Variants in DCAKD observed in about 807,000 individuals in gnomAD.
The protein encoded by DCAKD is dephospho-CoA kinase domain containing.
DCAKD carries 15 observed loss-of-function variants against 18.7 expected under a neutral mutation model. That is an observed-to-expected ratio of 0.80 (90% CI 0.54 to 1.24). The LOEUF (loss-of-function observed/expected upper bound fraction) is 1.24. Ranked by LOEUF, DCAKD falls within the 50% of genes most tolerant of loss-of-function variation. The probability of loss-of-function intolerance (pLI) is 0.00; values close to 1 mark genes in which losing one functional copy is unlikely to be tolerated. For synonymous variants in DCAKD, 130 were observed against 133.0 expected (o/e 0.98, Z 0.16); for missense variants, 301 against 322.0 (o/e 0.93, Z 0.50).
chr17:45,055,699 T>G (rs1262000819), upstream of DCAKD, among the ~76,000 whole-genome samples: 1 of 152,168 alleles, frequency 6.6e-6, no homozygotes, highest in Non-Finnish European at 1.5e-5. Flanking sequence ...ATCTCCTGCC[T>G]CTGGACAGCC....
At chr17:45,054,643 CA>C (rs34937742), upstream of DCAKD, among the ~76,000 whole-genome samples, 1,552 of 152,262 alleles carry the variant, frequency 0.01, 28 homozygotes, top group African/African-American at 0.035. Context: ...CCATACAGAA[CA>C]AATCTAATTC....
chr17:45,029,319 C>T (rs2053125333), intron 4 of DCAKD, among the ~76,000 whole-genome samples: 1 of 152,252 alleles, frequency 6.6e-6, no homozygotes, highest in African/African-American at 2.4e-5. Flanking sequence ...GGCTCCGCCT[C>T]CAGCGTGCTG....
In DCAKD at chr17:45,024,202, G is replaced by C. The variant is rs1326691191; in HGVS notation, c.*231C>G. 4 of 537,458 alleles carry C rather than the reference G, an allele frequency of 7.4e-6. No individual in the cohort carries two copies. Among genetic ancestry groups the C allele is most frequent in the Non-Finnish European group, 1.3e-5 (4 of 307,028 alleles). The allele number at this position is 537,458 out of a possible 1,614,324, so 33.3% of individuals were successfully genotyped here. On this transcript the variant is annotated 3_prime_UTR_variant, in exon 5 of 5. Transcript: ENST00000651974. ...CTGCTCAGGGAAGGTGGGAAGGACA[G>C]CAGGCTATTTCTTGATCTCAAATAG... is the stretch of plus-strand genomic sequence containing the variant.
At chr17:45,042,317 CTTCT>C (rs1314461920) in intron 1 of DCAKD, among the ~76,000 whole-genome samples, 1 of 151,476 alleles carries the variant, frequency 6.6e-6, no homozygotes, top group Non-Finnish European at 1.5e-5. Context: ...CTTTTTTTTT[CTTCT>C]TTGAGACAGG....
intron 1 of DCAKD, among the ~76,000 whole-genome samples, chr17:45,058,754 C>A (rs554616601): frequency 6.6e-5 from 10 of 151,912 alleles, no homozygotes; most frequent in African/African-American, 1.2e-4. Flanking sequence ...ACCTCTGACC[C>A]CCCCCTTCCC....
intron 3 of DCAKD, chr17:45,031,154 C>T (rs758550591): frequency 3.0e-6 from 3 of 985,404 alleles, no homozygotes; most frequent in Non-Finnish European, 3.6e-6. Context: ...CACTTCCAAG[C>T]ACAGAACCAG....
rs755858662 is a variant in DCAKD, at chr17:45,030,170, T to G, written c.326A>C (p.Tyr109Ser). Residue 109 changes from tyrosine (Y) to serine (S), a missense_variant, in exon 4 of 5, where the codon TAC (tyrosine) becomes TCC (serine). Coordinates refer to ENST00000651974, the MANE Select transcript of DCAKD (RefSeq NM_001288655.2). Reference protein sequence around the residue: ...TFKYFLRGYRYVILDIPLLFE... With the variant: ...TFKYFLRGYRSVILDIPLLFE... Reference sequence around the variant, plus strand: ...CAGCAGGGGGATATCCAGAATCACGTAGCGGTATCCTGGGGAGAGGTTGGA... The same window carrying G: ...CAGCAGGGGGATATCCAGAATCACGGAGCGGTATCCTGGGGAGAGGTTGGA... 6.2e-7 allele frequency: 1 copy of G among 1,613,980 alleles called. No homozygotes were observed. The highest frequency in any genetic ancestry group is 8.5e-7 in the Non-Finnish European group (1 of 1,179,906).
At chr17:45,057,655 A>AT in intron 1 of DCAKD, among the ~76,000 whole-genome samples, 1 of 150,390 alleles carries the variant, frequency 6.6e-6, no homozygotes, top group East Asian at 2.0e-4. Flanking sequence ...GTGAGCCGAG[A>AT]TAGTGCCACT....
At chr17:45,026,804 G>C (rs758861985) in intron 4 of DCAKD, 378 of 985,298 alleles carry the variant, frequency 3.8e-4, no homozygotes, top group Non-Finnish European at 4.3e-4. Flanking sequence ...GCCTTCATCA[G>C]GGAGACCACA....
At chr17:45,039,015 T>A (rs1448732925) in intron 1 of DCAKD, among the ~76,000 whole-genome samples, 1 of 152,176 alleles carries the variant, frequency 6.6e-6, no homozygotes, top group Non-Finnish European at 1.5e-5. Context: ...TAGTACCAGA[T>A]GAAAACATCT....
chr17:45,051,675 G>A (rs932193844), upstream of DCAKD: 1 of 147,202 alleles, frequency 6.8e-6, no homozygotes, highest in Non-Finnish European at 1.5e-5. Context: ...CGTCCGGCCA[G>A]CAGGCGGGGC....
chr17:45,044,230 G>C (rs573819504), intron 1 of DCAKD, among the ~76,000 whole-genome samples: 1 of 151,886 alleles, frequency 6.6e-6, no homozygotes, highest in African/African-American at 2.4e-5. Context: ...CTACATCACT[G>C]CCCTCAGGCC....
At chr17:45,026,641 C>G in intron 4 of DCAKD, 5 of 985,370 alleles carry the variant, frequency 5.1e-6, no homozygotes, top group Non-Finnish European at 6.0e-6. Context: ...CTTAGGGATT[C>G]TGGGAAGCAG....
At chr17:45,060,161 C>T (rs976079605) in intron 1 of DCAKD, among the ~76,000 whole-genome samples, 3 of 152,036 alleles carry the variant, frequency 2.0e-5, no homozygotes, top group African/African-American at 7.3e-5. Context: ...ATATTGTAGA[C>T]TTGTTGAGAG....
intron 1 of DCAKD, among the ~76,000 whole-genome samples, 195 bp downstream of exon 1, chr17:45,051,166 G>A (rs1028071074): frequency 1.3e-5 from 2 of 152,236 alleles, no homozygotes; most frequent in African/African-American, 4.8e-5. Context: ...GCAGAAGCTA[G>A]ATTCAAGAAT....
In DCAKD at chr17:45,057,716, A is replaced by C. The variant is rs1247444338; in HGVS notation, c.-118+3172T>G. On this transcript the variant is annotated intron_variant, in intron 1 of 4. Transcript: ENST00000310604. ...CGACTCCATCTCAAAAAAAAAAAAA[A>C]AACAGTAATTCAGGCCAGGTGCAGT... Among the ~76,000 whole-genome samples the C allele has an allele frequency of 4.0e-5, 6 of 149,962 alleles. No homozygotes were observed. The East Asian group carries it at 9.9e-4, about 25-fold the overall frequency.
At chr17:45,054,250 A>ATTT (rs145150422), upstream of DCAKD, 114 of 425,388 alleles carry the variant, frequency 2.7e-4, no homozygotes, top group South Asian at 6.9e-4. Flanking sequence ...AGACAGTTTT[A>ATTT]TTTATTTTTT....
Position 45,047,064 on chromosome 17 carries a change from T to A in DCAKD, c.-115+4297A>T, listed in dbSNP as rs144607972. The stretch of plus-strand genomic sequence containing the variant: ...AAAAGAACTGTGGACTGACAGATTA[T>A]TAATAATTCAATGTGATTTTTCGGC... On this transcript the variant is annotated intron_variant, in intron 1 of 4. Transcript: ENST00000651974. Among the ~76,000 whole-genome samples the A allele has an allele frequency of 1.1e-3, 168 of 151,938 alleles. 2 individuals are homozygous for A. The highest frequency in any genetic ancestry group is 4.1e-3 in the African/African-American group (168 of 41,342).
At chr17:45,038,197 C>T (rs979902776) in intron 1 of DCAKD, among the ~76,000 whole-genome samples, 5 of 152,030 alleles carry the variant, frequency 3.3e-5, no homozygotes, top group African/African-American at 1.2e-4. Flanking sequence ...CTGCCTCAGC[C>T]TCCCGAGTAG....
Sources: gnomAD v4.1 joint callset for allele counts (sites outside exome capture counted in the v4.1 genomes callset) on GRCh38, gnomAD v4.1.1 for gene constraint, MANE v1.5 for transcripts, NCBI Gene and HGNC (gene_info 2026-07-23, HGNC 2026-07-21) for gene names.